CSTL1: variants seen among roughly 807,000 people sequenced by gnomAD.
The protein encoded by CSTL1 is cystatin like 1.
In CSTL1, 14 loss-of-function variants were observed where a neutral mutation model predicts 14.4. The ratio of observed to expected loss-of-function variants is 0.97; its 90% CI spans 0.64 to 1.52. The LOEUF is 1.52. Ranked by LOEUF, CSTL1 falls within the 40% of genes most tolerant of loss-of-function variation. The probability of loss-of-function intolerance (pLI) is 0.00; values close to 1 mark genes in which losing one functional copy is unlikely to be tolerated. For synonymous variants in CSTL1, 72 were observed against 67.5 expected (o/e 1.07, Z -0.33); for missense variants, 170 against 168.7 (o/e 1.01, Z -0.04).
At position 23,440,209 on chromosome 20, in the gene CSTL1, C is replaced by A; in HGVS notation, c.-59C>A. The A allele has an allele frequency of 2.6e-6, 4 of 1,568,032 alleles. No homozygotes were observed. Among genetic ancestry groups the A allele is most frequent in the Non-Finnish European group, 3.5e-6 (4 of 1,141,336 alleles). On this transcript the variant is annotated 5_prime_UTR_variant, in exon 2 of 4. Coordinates refer to ENST00000347397, the MANE Select transcript of CSTL1 (RefSeq NM_138283.1). ...TGATGGGAGAATGAGTGAACTGCAGCCTGGCACCACCACACCCTGGAAGGT... is the reference window on the plus strand; with the variant it reads ...TGATGGGAGAATGAGTGAACTGCAGACTGGCACCACCACACCCTGGAAGGT...
chr20:23,457,211 C>T, the CSTL1 span, among the ~76,000 whole-genome samples: 2 of 152,174 alleles, frequency 1.3e-5, no homozygotes, highest in Non-Finnish European at 2.9e-5. Context: ...TCTGGACCAT[C>T]TCAACCCAGC....
At chr20:23,451,819 G>T in the CSTL1 span, 749 of 1,613,004 alleles carry the variant, frequency 4.6e-4, 5 homozygotes, top group South Asian at 7.6e-3. Flanking sequence ...CCAATACCTT[G>T]TGAAGCTCCC....
the CSTL1 span, chr20:23,452,959 A>C: frequency 1.6e-6 from 1 of 629,812 alleles, no homozygotes. Flanking sequence ...CCCCTTCATC[A>C]GCAGCTGAAC....
Position 23,440,873 on chromosome 20 carries a change from C to T in CSTL1, c.219+387C>T, listed in dbSNP as rs1986815348. The T allele has an allele frequency of 5.6e-5, 19 of 336,868 alleles. 1 individual carries two copies. The highest frequency in any genetic ancestry group is 4.5e-4 in the South Asian group (19 of 42,420). The allele number at this position is 336,868 out of a possible 1,614,324, so 20.9% of individuals were successfully genotyped here. A position where few individuals can be genotyped will look rare whatever the true frequency, so the allele number is the denominator to read the frequency against. On this transcript the variant is annotated intron_variant, in intron 2 of 3. Coordinates refer to ENST00000347397, the MANE Select transcript of CSTL1 (RefSeq NM_138283.1). ...CCAGGTTCAAGTGATTCTCCTGCCT[C>T]AGCCTCCCAAGTAGCTGAGATTACA...
the CSTL1 span, among the ~76,000 whole-genome samples, chr20:23,450,052 CT>C: frequency 6.6e-6 from 1 of 152,176 alleles, no homozygotes; most frequent in Non-Finnish European, 1.5e-5. Flanking sequence ...TTATTTCACA[CT>C]TTAGGTAAGG....
chr20:23,444,036 C>T lies in CSTL1; in HGVS notation c.322C>T (p.Leu108=). The change falls in exon 3 of 4, where the codon CTG becomes TTG. Residue 108 remains leucine (L), a synonymous_variant. Transcript: ENST00000347397. The part of the protein sequence containing the change: ...NSSCPLQSKK[L]RKSLICESLI... ...TTCCTGCCCCCTGCAAAGCAAGAAG[C>T]TGAGAAAGGTGTGTAGTGGAAGTCA... 6.2e-7 allele frequency: 1 copy of T among 1,613,198 alleles called. No homozygotes were observed. The highest frequency in any genetic ancestry group is 1.3e-5 in the African/African-American group (1 of 75,012).
downstream of CSTL1, among the ~76,000 whole-genome samples, chr20:23,446,253 CTTTTTTT>C (rs552330748): frequency 6.9e-6 from 1 of 145,762 alleles, no homozygotes; most frequent in Admixed American, 6.8e-5. Context: ...GCCTTTCTTT[CTTTTTTT>C]TTTTTCTTTT....
downstream of CSTL1, among the ~76,000 whole-genome samples, chr20:23,446,120 T>C (rs1986961365): frequency 6.6e-6 from 1 of 152,212 alleles, no homozygotes; most frequent in South Asian, 2.1e-4. Context: ...TCAACCTCAC[T>C]GCTGTACAGA....
At chr20:23,454,388 C>CAA in the CSTL1 span, among the ~76,000 whole-genome samples, 1 of 152,006 alleles carries the variant, frequency 6.6e-6, no homozygotes, top group African/African-American at 2.4e-5. Flanking sequence ...AACACACACA[C>CAA]AACACACATA....
Position 23,444,011 on chromosome 20 carries a change from T to C in CSTL1, c.297T>C (p.Ser99=). The stretch of plus-strand genomic sequence containing the variant: ...GCAAGAGGAATGACACGAGCAATTC[T>C]TCCTGCCCCCTGCAAAGCAAGAAGC... ...TKCKRNDTSN[S]SCPLQSKKLR... is the part of the protein sequence containing the mutation. The change falls in exon 3 of 4, where the codon TCT becomes TCC. Residue 99 remains serine, a synonymous_variant. Transcript: ENST00000347397. The C allele has an allele frequency of 5.6e-6, 9 of 1,614,160 alleles. No individual in the cohort carries two copies. Among genetic ancestry groups the C allele is most frequent in the Non-Finnish European group, 7.6e-6 (9 of 1,179,956 alleles).
downstream of CSTL1, among the ~76,000 whole-genome samples, chr20:23,446,372 C>T (rs1207896552): frequency 5.3e-5 from 8 of 152,162 alleles, no homozygotes; most frequent in Non-Finnish European, 8.8e-5. Context: ...TCTTCTGCCT[C>T]AGCCTCCCTA....
chr20:23,452,794 C>G, the CSTL1 span: 1 of 1,613,624 alleles, frequency 6.2e-7, no homozygotes, highest in Non-Finnish European at 8.5e-7. Flanking sequence ...GTAGGGCCTG[C>G]CAGGGCTCAG....
At chr20:23,460,958 A>G in the CSTL1 span, among the ~76,000 whole-genome samples, 1 of 152,154 alleles carries the variant, frequency 6.6e-6, no homozygotes, top group African/African-American at 2.4e-5. Context: ...TGAGATGTTA[A>G]AACTTCACCG....
At chr20:23,444,168 T>C (rs951273629) in intron 3 of CSTL1, 124 bp downstream of exon 3, 1 of 770,656 alleles carries the variant, frequency 1.3e-6, no homozygotes, top group Non-Finnish European at 2.2e-6. Flanking sequence ...CCTGGGGCTG[T>C]CTGGCACCTC....
At chr20:23,459,742 CA>C in the CSTL1 span, among the ~76,000 whole-genome samples, 1 of 152,178 alleles carries the variant, frequency 6.6e-6, no homozygotes, top group Non-Finnish European at 1.5e-5. Flanking sequence ...AGTCATTGCT[CA>C]AAAACATGTT....
chr20:23,455,760 C>T, the CSTL1 span, among the ~76,000 whole-genome samples: 4 of 152,314 alleles, frequency 2.6e-5, no homozygotes, highest in South Asian at 4.1e-4. Flanking sequence ...CGCAGGTGGT[C>T]GATCTTCCAC....
At chr20:23,442,117 ATAATGATGAG>A (rs1986849189) in intron 2 of CSTL1, 1 of 152,306 alleles carries the variant, frequency 6.6e-6, no homozygotes, top group Non-Finnish European at 1.5e-5. Flanking sequence ...CTGTTAAGGA[ATAATGATGAG>A]CATTTGATGT....
At chr20:23,454,589 G>T in the CSTL1 span, among the ~76,000 whole-genome samples, 3 of 152,268 alleles carry the variant, frequency 2.0e-5, no homozygotes, top group Non-Finnish European at 2.9e-5. Context: ...ACCACAGAGC[G>T]AACACTGTGG....
intron 2 of CSTL1, 35 bp downstream of exon 2, chr20:23,440,521 C>T (rs761805583): frequency 2.5e-5 from 37 of 1,475,286 alleles, no homozygotes; most frequent in Non-Finnish European, 3.0e-5. Flanking sequence ...ATCAGCAGGC[C>T]CTGTTCTTGC....
Sources: allele counts gnomAD v4.1 joint callset (sites outside exome capture counted in the v4.1 genomes callset), GRCh38; gene constraint gnomAD v4.1.1; transcripts MANE v1.5; gene names NCBI Gene and HGNC (gene_info 2026-07-23, HGNC 2026-07-21).